Variants in PELP1 observed in about 807,000 individuals in gnomAD.
PELP1 encodes the protein proline-, glutamic acid- and leucine-rich protein 1.
PELP1 carries 32 observed loss-of-function variants against 95.5 expected under a neutral mutation model. That is an observed-to-expected ratio of 0.34 (90% CI 0.25 to 0.45). The LOEUF (loss-of-function observed/expected upper bound fraction) is 0.45, where lower values mean the gene tolerates loss of function less well. Among genes scored for constraint, PELP1 ranks in the 20% least tolerant of loss-of-function variants. The pLI is 1.00. For synonymous variants in PELP1, 668 were observed against 600.1 expected (o/e 1.11, Z -1.65); for missense variants, 1,358 against 1,444.8 (o/e 0.94, Z 0.97).
chr17:4,680,767 A>G (rs1567663329), intron 5 of PELP1, among the ~76,000 whole-genome samples: 1 of 152,234 alleles, frequency 6.6e-6, no homozygotes, highest in Non-Finnish European at 1.5e-5. Flanking sequence ...AATGGTGAAT[A>G]TAACAAAATA....
chr17:4,675,453 C>T lies in PELP1; in HGVS notation c.1069-91G>A. The stretch of plus-strand genomic sequence containing the variant: ...CAGGGAATGACCATTTACATATGTA[C>T]ACATAGGTAAGAAACCCAACCCCTG... On this transcript the variant is annotated intron_variant, in intron 9 of 16. Coordinates refer to ENST00000572293, the MANE Select transcript of PELP1 (RefSeq NM_014389.3). The surrounding 1 kb of genome is among the most constrained non-coding windows in gnomAD (Gnocchi z 4.3). The T allele has an allele frequency of 5.9e-6, 5 of 854,176 alleles. No individual in the cohort carries two copies. Among genetic ancestry groups the T allele is most frequent in the Middle Eastern group, 2.1e-4 (1 of 4,662 alleles). 52.9% of individuals were successfully genotyped at this position (854,176 alleles called of 1,614,324 possible).
intron 3 of PELP1, among the ~76,000 whole-genome samples, chr17:4,689,824 G>A (rs1335818430): frequency 1.3e-5 from 2 of 152,118 alleles, no homozygotes; most frequent in East Asian, 1.9e-4. Flanking sequence ...TCAGGAGTTT[G>A]AGACCAGCCT....
Position 4,675,776 on chromosome 17 carries a change from G to A in PELP1, c.1068+21C>T. The A allele has an allele frequency of 6.6e-7, 1 of 1,519,418 alleles. No individual in the cohort carries two copies. Among genetic ancestry groups the A allele is most frequent in the Non-Finnish European group, 9.0e-7 (1 of 1,115,090 alleles). 94.1% of individuals were successfully genotyped at this position (1,519,418 alleles called of 1,614,324 possible). On this transcript the variant is annotated intron_variant, in intron 9 of 16. Coordinates refer to ENST00000572293, the MANE Select transcript of PELP1 (RefSeq NM_014389.3). This position sits in a 1 kb window ranked among gnomAD's most constrained non-coding sequence, Gnocchi z 4.3. ...TGGTATCCTGAGCAAGGGCTCTGAA[G>A]AGATGACAAATCCCACTTACAATAT...
intron 4 of PELP1, 68 bp downstream of exon 4, chr17:4,682,735 C>T: frequency 6.7e-7 from 1 of 1,495,810 alleles, no homozygotes; most frequent in Non-Finnish European, 9.0e-7. Context: ...TTCCATCAAA[C>T]AATTAAACAG....
In PELP1 at chr17:4,676,832, G is replaced by A; in HGVS notation, c.643-20C>T. The A allele has an allele frequency of 6.4e-7, 1 of 1,550,614 alleles. No individual in the cohort carries two copies. Among genetic ancestry groups the A allele is most frequent in the Non-Finnish European group, 8.7e-7 (1 of 1,144,594 alleles). ...CTTGCCCTGGATGTGGAGGAAAAAA[G>A]GAAGAGGCCAGTGAGCCAGCTCTGA... is the stretch of plus-strand genomic sequence containing the variant. On this transcript the variant is annotated intron_variant, in intron 5 of 16. Coordinates refer to ENST00000572293, the MANE Select transcript of PELP1 (RefSeq NM_014389.3).
rs1280968814 is a variant in PELP1 at position 4,704,061 on chromosome 17, A to C, written c.51T>G (p.Val17=). ...CCGAGAGACCCCCGGTCCCGCCAGG[A>C]ACCCCAGCCGCGGAGCCCGCAGAGG... The part of the protein sequence containing the change: ...SGPSAGSAAG[V]PGGTGGLSAV... The change falls in exon 1 of 17, where the codon GTT becomes GTG. Residue 17 remains valine, a synonymous_variant. Transcript: ENST00000572293. 6.2e-7 allele frequency: 1 copy of C among 1,612,038 alleles called. No individual in the cohort carries two copies. Among genetic ancestry groups the C allele is most frequent in the Non-Finnish European group, 8.5e-7 (1 of 1,179,552 alleles).
At chr17:4,691,179 G>C (rs1913082655) in intron 2 of PELP1, 186 bp from the exon 3 acceptor site, 1 of 641,322 alleles carries the variant, frequency 1.6e-6, no homozygotes, top group Non-Finnish European at 2.8e-6. Context: ...GTAATCCCAG[G>C]GTGGAATAGG....
At chr17:4,696,756 A>G (rs1263954804) in intron 1 of PELP1, 1 of 152,204 alleles carries the variant, frequency 6.6e-6, no homozygotes, top group Admixed American at 6.6e-5. Flanking sequence ...AAAATCAGGA[A>G]GTACTGTGAA....
Position 4,675,760 on chromosome 17 carries a change from G to A in PELP1, c.1068+37C>T. 2.1e-6 allele frequency: 3 copies of A among 1,444,914 alleles called. No individual in the cohort carries two copies. Among genetic ancestry groups the A allele is most frequent in the Non-Finnish European group, 2.9e-6 (3 of 1,048,380 alleles). The allele number at this position is 1,444,914 out of a possible 1,614,324, so 89.5% of individuals were successfully genotyped here. On this transcript the variant is annotated intron_variant, in intron 9 of 16. Transcript: ENST00000572293. The surrounding 1 kb of genome is among the most constrained non-coding windows in gnomAD (Gnocchi z 4.3). ...TACTTTCCTGGTTGCCTGGTATCCTGAGCAAGGGCTCTGAAGAGATGACAA... is the reference window on the plus strand; with the variant it reads ...TACTTTCCTGGTTGCCTGGTATCCTAAGCAAGGGCTCTGAAGAGATGACAA...
intron 1 of PELP1, among the ~76,000 whole-genome samples, chr17:4,695,705 G>A (rs998268979): frequency 6.7e-5 from 10 of 149,266 alleles, no homozygotes; most frequent in Non-Finnish European, 1.3e-4. Flanking sequence ...CTGGCAGGGG[G>A]CAGTGATTCA....
intron 5 of PELP1, among the ~76,000 whole-genome samples, chr17:4,678,214 A>G (rs1912565473): frequency 1.3e-5 from 2 of 152,146 alleles, no homozygotes; most frequent in South Asian, 2.1e-4. Context: ...ACTCTGTCTC[A>G]GAAAAAAAAA....
At chr17:4,687,301 C>T (rs4362446) in intron 3 of PELP1, among the ~76,000 whole-genome samples, 148,829 of 152,202 alleles carry the variant, frequency 0.98, 72,849 homozygotes, top group Middle Eastern at 1. Context: ...TCCGAGCACT[C>T]TGGGAGGCCA....
chr17:4,698,907 C>G (rs1206594040), intron 1 of PELP1, among the ~76,000 whole-genome samples: 1 of 152,020 alleles, frequency 6.6e-6, no homozygotes, highest in Non-Finnish European at 1.5e-5. Context: ...TAAAATATGT[C>G]AAAGTAAAAG....
In PELP1 at chr17:4,676,383, C is replaced by G; in HGVS notation, c.827G>C (p.Gly276Ala). 1 of 1,613,688 alleles carries G rather than the reference C, an allele frequency of 6.2e-7. No individual in the cohort carries two copies. ...AGTCTCTGCTCCCTCGTACAGGGCC[C>G]CCAGCAGGGTGTGCAGTGAGGCCAG... is the stretch of plus-strand genomic sequence containing the variant. ...SLLASLHTLL[G>A]ALYEGAETAP... The change falls in exon 7 of 17, where the codon GGG becomes GCG. Residue 276 changes from glycine (G) to alanine (A), a missense_variant. By Grantham distance (60) the Gly-to-Ala change is moderately conservative. Around this residue, in one of 7 missense-constraint regions of PELP1, gnomAD observed 538 missense variants for 628.1 expected, o/e 0.86. Coordinates refer to ENST00000572293, the MANE Select transcript of PELP1 (RefSeq NM_014389.3).
Position 4,675,135 on chromosome 17 carries a change from G to A in PELP1, c.1218C>T (p.Leu406=). 1 of 1,613,900 alleles carries A rather than the reference G, an allele frequency of 6.2e-7. No individual in the cohort carries two copies. The highest frequency in any genetic ancestry group is 2.2e-5 in the East Asian group (1 of 44,876). ...AATCTCTACCGATGCTCCAGGAATT[G>A]AGGACCTGGGGAAGCAGGCGGCCGA... ...ILIGRLLPQV[L]NSWSIGRDSL... is the part of the protein sequence containing the mutation. The change falls in exon 11 of 17, where the codon CTC becomes CTT. Residue 406 remains leucine, a synonymous_variant. Transcript: ENST00000572293. This position sits in a 1 kb window ranked among gnomAD's most constrained non-coding sequence, Gnocchi z 4.3.
chr17:4,698,986 A>G (rs568415310), intron 1 of PELP1, among the ~76,000 whole-genome samples: 1 of 152,332 alleles, frequency 6.6e-6, no homozygotes, highest in South Asian at 2.1e-4. Flanking sequence ...TATCCTCTTC[A>G]CCCAGAATTC....
rs183523109 is a variant in PELP1 at position 4,673,438 on chromosome 17, G to A, written c.1657C>T (p.Leu553Phe). The change falls in exon 15 of 17, where the codon CTC becomes TTC. Residue 553 changes from leucine to phenylalanine, a missense_variant. Leu to Phe is a conservative substitution (Grantham distance 22). Coordinates refer to ENST00000572293, the MANE Select transcript of PELP1 (RefSeq NM_014389.3). The surrounding 1 kb of genome is among the most constrained non-coding windows in gnomAD (Gnocchi z 5.7). The part of the protein sequence containing the change: ...ETHRRLHDLV[L>F]PLVMGVQQGE... ...TGCTGTACACCCATGACCAGGGGGAGGACCAGGTCATGCAGTCTCTGAAAA... is the reference window on the plus strand; with the variant it reads ...TGCTGTACACCCATGACCAGGGGGAAGACCAGGTCATGCAGTCTCTGAAAA... The A allele has an allele frequency of 6.3e-6, 10 of 1,592,198 alleles. No homozygotes were observed. The highest frequency in any genetic ancestry group is 2.7e-5 in the African/African-American group (2 of 74,538).
At chr17:4,694,210 A>C (rs1913208843) in intron 1 of PELP1, among the ~76,000 whole-genome samples, 1 of 152,176 alleles carries the variant, frequency 6.6e-6, no homozygotes, top group South Asian at 2.1e-4. Flanking sequence ...AGCTGGAGGC[A>C]GCCAGGGAGG....
intron 1 of PELP1, among the ~76,000 whole-genome samples, chr17:4,692,162 G>A (rs947086088): frequency 2.0e-5 from 3 of 152,258 alleles, no homozygotes; most frequent in East Asian, 3.9e-4. Flanking sequence ...ATATTTATTC[G>A]TTAAATAAAT....
Sources: allele counts gnomAD v4.1 joint callset (sites outside exome capture counted in the v4.1 genomes callset), GRCh38; gene constraint gnomAD v4.1.1; regional missense constraint gnomAD v4.1.1; non-coding constraint Gnocchi (gnomAD v3.1); transcripts MANE v1.5; gene names NCBI Gene and HGNC (gene_info 2026-07-23, HGNC 2026-07-21).